ACSM2B: variants seen among roughly 807,000 people sequenced by gnomAD.
The protein encoded by ACSM2B is acyl-coenzyme A synthetase ACSM2B, mitochondrial.
ACSM2B carries 58 observed loss-of-function variants against 78.6 expected under a neutral mutation model. The ratio of observed to expected loss-of-function variants is 0.74; its 90% CI spans 0.60 to 0.92. The LOEUF (loss-of-function observed/expected upper bound fraction) is 0.92, where lower values mean the gene tolerates loss of function less well. Ranked by LOEUF, ACSM2B falls within the 40% of genes least tolerant of loss-of-function variation. The pLI, the probability that ACSM2B is intolerant of heterozygous loss-of-function variation, is 0.00. For missense variants in ACSM2B, 688 were observed against 711.2 expected, an observed-to-expected ratio of 0.97 and a Z score of 0.37; for synonymous variants, 257 against 256.8, an observed-to-expected ratio of 1.00 and a Z score of -0.01.
intron 1 of ACSM2B, among the ~76,000 whole-genome samples, chr16:20,569,067 CT>C (rs1186064359): frequency 7.9e-5 from 12 of 151,800 alleles, no homozygotes; most frequent in African/African-American, 2.7e-4. Context: ...CTTTAGTTTA[CT>C]TAAGTCCCAT....
intron 5 of ACSM2B, 137 bp from the exon 6 acceptor site, chr16:20,552,434 T>C: frequency 7.7e-7 from 1 of 1,291,452 alleles, no homozygotes; most frequent in South Asian, 1.8e-5. Context: ...TATAGGCATA[T>C]GTTTAAGTAT....
chr16:20,565,453 G>A (rs1358131173), intron 1 of ACSM2B, among the ~76,000 whole-genome samples: 2 of 152,148 alleles, frequency 1.3e-5, no homozygotes, highest in African/African-American at 4.8e-5. Context: ...GCTGAGCCTA[G>A]CATGGCCACT....
At chr16:20,556,444 A>G (rs139828286) in intron 3 of ACSM2B, among the ~76,000 whole-genome samples, 4 of 152,280 alleles carry the variant, frequency 2.6e-5, no homozygotes, top group African/African-American at 9.6e-5. Flanking sequence ...TTTACTAAAA[A>G]TACAAAAATT....
chr16:20,550,856 C>T (rs549383800), intron 6 of ACSM2B, among the ~76,000 whole-genome samples: 2 of 152,128 alleles, frequency 1.3e-5, no homozygotes, highest in Non-Finnish European at 2.9e-5. Flanking sequence ...TATTTAATGG[C>T]TGTACCATCA....
In ACSM2B at chr16:20,540,677, C is replaced by T; in HGVS notation, c.1606G>A (p.Ala536Thr). ...ACCTTTCTTGGGTACTTGTATGGGGCTGTCACTGACTTCACATGCTGCTGC... is the reference window on the plus strand; with the variant it reads ...ACCTTTCTTGGGTACTTGTATGGGGTTGTCACTGACTTCACATGCTGCTGC... ...ELQQHVKSVT[A>T]PYKYPRKIEF... Residue 536 changes from alanine (A) to threonine (T), a missense_variant, in exon 13 of 14, where the codon GCC (alanine) becomes ACC (threonine). Ala to Thr is a moderately conservative substitution (Grantham distance 58). Coordinates refer to ENST00000329697, the MANE Select transcript of ACSM2B (RefSeq NM_001105069.2). The T allele has an allele frequency of 6.2e-7, 1 of 1,614,096 alleles. No homozygotes were observed. The highest frequency in any genetic ancestry group is 8.5e-7 in the Non-Finnish European group (1 of 1,179,984).
chr16:20,570,262 A>G (rs190200474), intron 1 of ACSM2B, among the ~76,000 whole-genome samples: 29 of 151,912 alleles, frequency 1.9e-4, no homozygotes, highest in African/African-American at 6.5e-4. Flanking sequence ...GAGGGTTTTA[A>G]TCATAAGAGG....
intron 1 of ACSM2B, among the ~76,000 whole-genome samples, chr16:20,574,958 C>T (rs935040907): frequency 6.8e-6 from 1 of 146,082 alleles, no homozygotes; most frequent in African/African-American, 2.7e-5. Flanking sequence ...TAGTTCTCCA[C>T]ATATGGTCAA....
intron 5 of ACSM2B, among the ~76,000 whole-genome samples, chr16:20,553,035 T>C (rs2015366552): frequency 6.6e-6 from 1 of 152,220 alleles, no homozygotes; most frequent in South Asian, 2.1e-4. Flanking sequence ...ATTTAAGTAA[T>C]TTATCCCCAT....
rs553736653 is a variant in ACSM2B at position 20,559,651 on chromosome 16, A to G, written c.178-204T>C. Among the ~76,000 whole-genome samples the G allele has an allele frequency of 1.5e-3, 221 of 151,312 alleles. 4 individuals are homozygous for G. The highest frequency in any genetic ancestry group is 3.4e-3 in the Middle Eastern group (1 of 294). On this transcript the variant is annotated intron_variant, in intron 2 of 13. Transcript: ENST00000329697. ...TCAATATCTACCATAGTAGATATTA[A>G]AACAGAATTTTTGTAAATGTATGCT...
At chr16:20,546,306 T>G in intron 9 of ACSM2B, 88 bp downstream of exon 9, 1 of 1,507,000 alleles carries the variant, frequency 6.6e-7, no homozygotes, top group East Asian at 2.3e-5. Flanking sequence ...CTTTCTATTA[T>G]TTTTGACTCA....
intron 1 of ACSM2B, among the ~76,000 whole-genome samples, chr16:20,566,695 ATAGT>A (rs1254985136): frequency 9.9e-4 from 4 of 4,054 alleles, no homozygotes; most frequent in Admixed American, 2.4e-3. Context: ...TATACTATAT[ATAGT>A]ATATATATAG....
At chr16:20,546,294 T>A (rs2015140051) in intron 9 of ACSM2B, 100 bp downstream of exon 9, 1 of 1,489,376 alleles carries the variant, frequency 6.7e-7, no homozygotes, top group Admixed American at 2.0e-5. Context: ...TTAATATCAG[T>A]ACTTTCTATT....
chr16:20,552,373 G>A (rs1177412982), intron 5 of ACSM2B, 76 bp from the exon 6 acceptor site: 1 of 1,528,332 alleles, frequency 6.5e-7, no homozygotes, highest in East Asian at 2.3e-5. Flanking sequence ...AGGTGTAGGG[G>A]AGGAAAGGGA....
At chr16:20,540,974 G>T (rs2014972437) in intron 12 of ACSM2B, 1 of 641,996 alleles carries the variant, frequency 1.6e-6, no homozygotes, top group Non-Finnish European at 2.4e-6. Flanking sequence ...TGGAGGAGCA[G>T]GTGGACAATA....
At chr16:20,543,113 C>A (rs2015043746) in intron 11 of ACSM2B, 22 bp downstream of exon 11, 6 of 1,613,750 alleles carry the variant, frequency 3.7e-6, no homozygotes, top group Non-Finnish European at 5.1e-6. Context: ...ATTTCCCTTC[C>A]CAACCCAGAA....
chr16:20,537,387 G>T, intron 13 of ACSM2B, 25 bp from the exon 14 acceptor site: 1 of 1,611,952 alleles, frequency 6.2e-7, no homozygotes, highest in Non-Finnish European at 8.5e-7. Context: ...ATCAGTCCAG[G>T]GTGGGTGATC....
chr16:20,567,915 A>G (rs1230609400), intron 1 of ACSM2B, among the ~76,000 whole-genome samples: 1 of 143,262 alleles, frequency 7.0e-6, no homozygotes, highest in Non-Finnish European at 1.5e-5. Flanking sequence ...AGTATATATT[A>G]AATATATAAA....
At chr16:20,553,756 G>A (rs1455086950) in intron 5 of ACSM2B, 21 bp downstream of exon 5, 2 of 1,598,090 alleles carry the variant, frequency 1.3e-6, no homozygotes, top group South Asian at 2.2e-5. Context: ...ATTCTCTGTA[G>A]AGAGAAAGAG....
intron 3 of ACSM2B, among the ~76,000 whole-genome samples, chr16:20,558,191 T>C (rs1227792627): frequency 1.3e-5 from 2 of 152,142 alleles, no homozygotes; most frequent in African/African-American, 4.8e-5. Context: ...CCTTGCATTC[T>C]GATGGACCAG....
Sources: allele counts gnomAD v4.1 joint callset (sites outside exome capture counted in the v4.1 genomes callset), GRCh38; gene constraint gnomAD v4.1.1; transcripts MANE v1.5; gene names NCBI Gene and HGNC (gene_info 2026-07-23, HGNC 2026-07-21).